The following DENND2B variants were observed in gnomAD, a reference collection of about 807,000 sequenced individuals.
The protein encoded by DENND2B is DENN domain-containing protein 2B.
Under a neutral mutation model 116.0 loss-of-function variants are expected in DENND2B, and 32 were observed. The observed-to-expected ratio is 0.28, with a 90% CI of 0.21 to 0.37. The LOEUF (loss-of-function observed/expected upper bound fraction) is 0.37, where lower values mean the gene tolerates loss of function less well. DENND2B is among the 10% of genes least tolerant of loss of function. DENND2B has a pLI of 1.00. For missense variants in DENND2B, 1,276 were observed against 1,477.7 expected (o/e 0.86, Z 2.24); for synonymous variants, 588 against 583.9 (o/e 1.01, Z -0.10).
intron 1 of DENND2B, chr11:8,776,139 C>G (rs1824253717): frequency 6.7e-6 from 1 of 148,602 alleles, no homozygotes; most frequent in Non-Finnish European, 1.8e-5. Context: ...CAGACACGCA[C>G]GTGCGCGCAC....
In DENND2B at chr11:8,730,212, T is replaced by C. The variant is rs778455934; in HGVS notation, c.1078A>G (p.Thr360Ala). The C allele has an allele frequency of 1.3e-5, 21 of 1,613,394 alleles. No individual in the cohort carries two copies. Among genetic ancestry groups the C allele is most frequent in the Non-Finnish European group, 1.7e-5 (20 of 1,179,576 alleles). Residue 360 changes from threonine to alanine, a missense_variant, in exon 3 of 20, where the codon ACT (threonine) becomes GCT (alanine). Thr to Ala is a moderately conservative substitution (Grantham distance 58). Around this residue, in one of 2 missense-constraint regions of DENND2B, gnomAD observed 856 missense variants for 846.6 expected, o/e 1.01. Transcript: ENST00000313726. This position sits in a 1 kb window ranked among gnomAD's most constrained non-coding sequence, Gnocchi z 4.1. ...CTATTTCCAGGGGTCCCGGGCTTAGTGGAACCACTGCCTTCCCTCTCTGGG... is the reference window on the plus strand; with the variant it reads ...CTATTTCCAGGGGTCCCGGGCTTAGCGGAACCACTGCCTTCCCTCTCTGGG... ...PPPEREGSGS[T>A]KPGTPGNSPS...
Position 8,776,186 on chromosome 11 carries a change from A to ACACACACC in DENND2B, c.-25-25462_-25-25461insGGTGTGTG, listed in dbSNP as rs761084725. 4.6e-3 allele frequency: 2,017 copies of ACACACACC among 440,064 alleles called. 19 individuals are homozygous for ACACACACC. The highest frequency in any genetic ancestry group is 0.015 in the Middle Eastern group (42 of 2,824). The allele number at this position is 440,064 out of a possible 1,614,324, so 27.3% of individuals were successfully genotyped here. The stretch of plus-strand genomic sequence containing the variant: ...CACACACACACACACACACACACAC[A>ACACACACC]CCTACCTCTCTCCAGGCAGGACACC... On this transcript the variant is annotated intron_variant, in intron 1 of 19. Coordinates refer to ENST00000313726, the MANE Select transcript of DENND2B (RefSeq NM_213618.2).
rs2043944922 is a variant in DENND2B at position 8,712,503 on chromosome 11, G to A, written c.2172+48C>T. On this transcript the variant is annotated intron_variant, in intron 9 of 19. Transcript: ENST00000313726. This position sits in a 1 kb window ranked among gnomAD's most constrained non-coding sequence, Gnocchi z 4.4. ...CCCCAGATAGGCCTGGCGGATAGAG[G>A]ATGGAAGAGGGGGAATATGGGCAAG... The A allele has an allele frequency of 3.3e-6, 5 of 1,522,602 alleles. No individual in the cohort carries two copies. Among genetic ancestry groups the A allele is most frequent in the African/African-American group, 2.8e-5 (2 of 72,344 alleles). The allele number at this position is 1,522,602 out of a possible 1,614,324, so 94.3% of individuals were successfully genotyped here. A position where few individuals can be genotyped will look rare whatever the true frequency, so the allele number is the denominator to read the frequency against.
chr11:8,892,602 G>A (rs1205495326), intron 1 of DENND2B, among the ~76,000 whole-genome samples: 1 of 152,190 alleles, frequency 6.6e-6, no homozygotes, highest in Middle Eastern at 3.2e-3. Flanking sequence ...ACTACCATCA[G>A]AGAATACTAT....
At chr11:8,740,216 C>G (rs1346620867) in intron 2 of DENND2B, among the ~76,000 whole-genome samples, 2 of 148,774 alleles carry the variant, frequency 1.3e-5, no homozygotes, top group Admixed American at 1.3e-4. Context: ...AAAAAAGAAA[C>G]AAGAAAAGAA....
At chr11:8,748,133 T>TGACAAAGGCCCAGCTTTCCAAGGC (rs2051632867) in intron 2 of DENND2B, among the ~76,000 whole-genome samples, 2 of 151,952 alleles carry the variant, frequency 1.3e-5, no homozygotes, top group Admixed American at 1.3e-4. Flanking sequence ...GTAGCCAAAG[T>TGACAAAGGCCCAGCTTTCCAAGGC]GTCAAAGGCC....
In DENND2B at chr11:8,770,403, C is replaced by A. The variant is rs1036256098; in HGVS notation, c.-25-19678G>T. 3.9e-5 allele frequency among the ~76,000 whole-genome samples: 6 copies of A among 152,254 alleles called. No individual in the cohort carries two copies. In the East Asian group the frequency reaches 9.7e-4, roughly 24 times the overall value. ...TTGCTCTGCAATCTTCATAAATCAA[C>A]AATTAGTAGTCACTACTTCATAGAG... On this transcript the variant is annotated intron_variant, in intron 1 of 19. Transcript: ENST00000313726.
At chr11:8,841,834 C>G (rs2062633995) in intron 3 of DENND2B, among the ~76,000 whole-genome samples, 1 of 152,176 alleles carries the variant, frequency 6.6e-6, no homozygotes, top group South Asian at 2.1e-4. Context: ...CTCCTGATGT[C>G]TCTCTCCTCG....
At chr11:8,814,251 G>C (rs965121861), upstream of DENND2B, among the ~76,000 whole-genome samples, 2 of 145,630 alleles carry the variant, frequency 1.4e-5, no homozygotes, top group East Asian at 2.1e-4. Flanking sequence ...AAAGTCATTA[G>C]AGCTGTCTGA....
At chr11:8,744,554 T>G (rs991594851) in intron 2 of DENND2B, among the ~76,000 whole-genome samples, 12 of 152,158 alleles carry the variant, frequency 7.9e-5, no homozygotes, top group Admixed American at 6.6e-5. Flanking sequence ...ATGGAGAAAC[T>G]ACTCACCTGC....
intron 4 of DENND2B, among the ~76,000 whole-genome samples, chr11:8,829,654 C>T (rs567881541): frequency 3.9e-5 from 6 of 152,240 alleles, no homozygotes; most frequent in African/African-American, 7.2e-5. Flanking sequence ...TCCAGCCAGA[C>T]GGACTTCCTG....
intron 3 of DENND2B, among the ~76,000 whole-genome samples, chr11:8,839,880 A>G (rs1434392105): frequency 6.6e-6 from 1 of 152,182 alleles, no homozygotes; most frequent in Admixed American, 6.5e-5. Flanking sequence ...TGAGAAAAGG[A>G]CTAAGAGAAC....
intron 5 of DENND2B, 27 bp from the exon 6 acceptor site, chr11:8,715,845 A>AG: frequency 6.4e-7 from 1 of 1,568,214 alleles, no homozygotes; most frequent in Non-Finnish European, 8.7e-7. Context: ...GACGTGCGAG[A>AG]GGGGCTTGCC....
chr11:8,827,116 C>T (rs1000889574), intron 4 of DENND2B, among the ~76,000 whole-genome samples: 4 of 152,208 alleles, frequency 2.6e-5, no homozygotes, highest in African/African-American at 9.7e-5. Flanking sequence ...CACCACTTAG[C>T]CTTTTGAATT....
At chr11:8,701,348 G>GGGGGA (rs2041597366) in intron 14 of DENND2B, among the ~76,000 whole-genome samples, 1 of 54,550 alleles carries the variant, frequency 1.8e-5, no homozygotes, top group Non-Finnish European at 4.1e-5. Context: ...AGCTTCCGGG[G>GGGGGA]GGGGGGGGGG....
At chr11:8,778,342 T>C (rs1321017149) in intron 1 of DENND2B, among the ~76,000 whole-genome samples, 1 of 152,060 alleles carries the variant, frequency 6.6e-6, no homozygotes, top group Non-Finnish European at 1.5e-5. Flanking sequence ...ACTACACCCA[T>C]CTCCAAGGCT....
chr11:8,871,100 G>C (rs1236549638), intron 1 of DENND2B: 3 of 152,384 alleles, frequency 2.0e-5, no homozygotes. Flanking sequence ...TGCAGGGAGA[G>C]AGAGGGGAGG....
intron 1 of DENND2B, among the ~76,000 whole-genome samples, chr11:8,793,895 T>C (rs963273399): frequency 6.6e-6 from 1 of 152,206 alleles, no homozygotes; most frequent in Non-Finnish European, 1.5e-5. Flanking sequence ...ATTAAGAGCA[T>C]AAACTTTTCG....
At position 8,754,029 on chromosome 11, in the gene DENND2B, G is replaced by GCGCACACACACACACACACA. The variant is rs146486674; in HGVS notation, c.-25-3305_-25-3304insTGTGTGTGTGTGTGTGTGCG. 2.8e-3 allele frequency among the ~76,000 whole-genome samples: 395 copies of GCGCACACACACACACACACA among 138,802 alleles called. 2 individuals carry two copies. The highest frequency in any genetic ancestry group is 9.0e-3 in the African/African-American group (330 of 36,596). The allele number at this position is 138,802 out of a possible 152,430, so 91.1% of individuals were successfully genotyped here. A position where few individuals can be genotyped will look rare whatever the true frequency, so the allele number is the denominator to read the frequency against. On this transcript the variant is annotated intron_variant, in intron 1 of 19. Transcript: ENST00000313726. ...TTCTTAGATATAACACCAAAAGCGC[G>GCGCACACACACACACACACA]CACACACACACACACACACACACAC...
Sources: gnomAD v4.1 joint callset for allele counts (sites outside exome capture counted in the v4.1 genomes callset) on GRCh38, gnomAD v4.1.1 for gene constraint, gnomAD v4.1.1 regional missense constraint, Gnocchi (gnomAD v3.1) non-coding constraint, MANE v1.5 for transcripts, NCBI Gene and HGNC (gene_info 2026-07-23, HGNC 2026-07-21) for gene names.